Variants in EPC2 observed in about 807,000 individuals in gnomAD.
The protein encoded by EPC2 is enhancer of polycomb homolog 2.
In EPC2, 14 loss-of-function variants were observed where a neutral mutation model predicts 92.1. The ratio of observed to expected loss-of-function variants is 0.15; its 90% confidence interval spans 0.10 to 0.24. The LOEUF (loss-of-function observed/expected upper bound fraction) is 0.24. Among genes scored for constraint, EPC2 ranks in the 10% least tolerant of loss-of-function variants. The pLI, the probability that EPC2 is intolerant of heterozygous loss-of-function variation, is 1.00. For synonymous variants in EPC2, 340 were observed against 334.7 expected, an observed-to-expected ratio of 1.02 and a Z score of -0.17; for missense variants, 755 against 971.5, an observed-to-expected ratio of 0.78 and a Z score of 2.96.
At chr2:148,681,199 G>A (rs1028135314) in intron 1 of EPC2, among the ~76,000 whole-genome samples, 1 of 152,140 alleles carries the variant, frequency 6.6e-6, no homozygotes, top group African/African-American at 2.4e-5. Context: ...AGATATAAAC[G>A]TCCACTTCTG....
At position 148,728,915 on chromosome 2, in the gene EPC2, C is replaced by T. The variant is rs1164346037; in HGVS notation, c.314-14707C>T. 2.0e-5 allele frequency among the ~76,000 whole-genome samples: 3 copies of T among 150,770 alleles called. No individual in the cohort carries two copies. In the East Asian group the frequency reaches 5.9e-4, roughly 30 times the overall value. Reference sequence around the variant, plus strand: ...GGCATGGTGGTGGGCGCCTGTAGTCCCAGCTACTCGGGAGGCTGAGGCAGG... The same window carrying T: ...GGCATGGTGGTGGGCGCCTGTAGTCTCAGCTACTCGGGAGGCTGAGGCAGG... On this transcript the variant is annotated intron_variant, in intron 2 of 13. Coordinates refer to ENST00000258484, the MANE Select transcript of EPC2 (RefSeq NM_015630.4).
At chr2:148,682,676 C>T (rs1681423876) in intron 1 of EPC2, among the ~76,000 whole-genome samples, 1 of 152,084 alleles carries the variant, frequency 6.6e-6, no homozygotes, top group African/African-American at 2.4e-5. Flanking sequence ...TCCTCCCCTC[C>T]TCTCACTGTA....
In EPC2 at chr2:148,743,776, C is replaced by A. The variant is rs1490866402; in HGVS notation, c.459+9C>A. On this transcript the variant is annotated intron_variant, in intron 3 of 13. Transcript: ENST00000258484. ...AAGCCAGTTCTAATCAGGTACTGTA[C>A]CATGTAAAGATGTCTCTTATCTTCT... 2.6e-6 allele frequency: 4 copies of A among 1,539,624 alleles called. No homozygotes were observed. The East Asian group carries it at 7.2e-5, about 28-fold the overall frequency.
intron 6 of EPC2, 100 bp from the exon 7 acceptor site, chr2:148,764,855 G>A (rs1683377548): frequency 5.5e-6 from 5 of 903,370 alleles, no homozygotes; most frequent in South Asian, 5.2e-5. Flanking sequence ...ATCACCTCCT[G>A]GGTAAAAATG....
intron 1 of EPC2, chr2:148,645,491 C>T: frequency 3.3e-6 from 1 of 306,158 alleles, no homozygotes; most frequent in Non-Finnish European, 6.2e-6. Flanking sequence ...TCTCTGTTTA[C>T]CTTTCCACCT....
intron 1 of EPC2, among the ~76,000 whole-genome samples, chr2:148,687,881 G>T (rs1030460321): frequency 1.3e-5 from 2 of 151,950 alleles, no homozygotes; most frequent in Admixed American, 1.3e-4. Flanking sequence ...TTATTATTTG[G>T]TATCTATCCC....
intron 10 of EPC2, among the ~76,000 whole-genome samples, chr2:148,776,133 T>A (rs1189794064): frequency 2.0e-4 from 2 of 9,976 alleles, no homozygotes; most frequent in Non-Finnish European, 5.1e-3. Context: ...CAAGAGAAAT[T>A]CCTGTTTTAA....
intron 2 of EPC2, among the ~76,000 whole-genome samples, chr2:148,718,042 T>G (rs1437259261): frequency 6.6e-6 from 1 of 152,224 alleles, no homozygotes; most frequent in Non-Finnish European, 1.5e-5. Flanking sequence ...AAGCCTGTTT[T>G]ATCAGAAACT....
At position 148,661,641 on chromosome 2, in the gene EPC2, A is replaced by G. The variant is rs545992415; in HGVS notation, c.153+16471A>G. On this transcript the variant is annotated intron_variant, in intron 1 of 13. Coordinates refer to ENST00000258484, the MANE Select transcript of EPC2 (RefSeq NM_015630.4). ...ATGCGATGTACATAATTTTGTATTG[A>G]TTTACAGATGTAGAAAACAATATAC... Among the ~76,000 whole-genome samples the G allele has an allele frequency of 6.6e-5, 10 of 152,218 alleles. 1 individual carries two copies. In the South Asian group the frequency reaches 2.1e-3, roughly 32 times the overall value.
intron 10 of EPC2, 71 bp downstream of exon 10, chr2:148,771,458 T>C: frequency 7.4e-7 from 1 of 1,355,336 alleles, no homozygotes; most frequent in Non-Finnish European, 1.0e-6. Context: ...AAAGGAATTT[T>C]ATCTTAACCT....
intron 10 of EPC2, among the ~76,000 whole-genome samples, chr2:148,773,154 A>G (rs1683560199): frequency 6.6e-6 from 1 of 152,144 alleles, no homozygotes; most frequent in Non-Finnish European, 1.5e-5. Flanking sequence ...CATCAATACA[A>G]CATATGTATT....
intron 1 of EPC2, among the ~76,000 whole-genome samples, chr2:148,671,795 A>AT (rs759685712): frequency 3.2e-4 from 48 of 151,198 alleles, no homozygotes; most frequent in Non-Finnish European, 6.2e-4. Context: ...AGCTTATTCT[A>AT]TTTTTTCCTC....
At chr2:148,702,992 C>T (rs1022332415) in intron 2 of EPC2, among the ~76,000 whole-genome samples, 3 of 152,190 alleles carry the variant, frequency 2.0e-5, no homozygotes, top group African/African-American at 7.2e-5. Flanking sequence ...CTGTATCATA[C>T]TTCCTGATAT....
intron 2 of EPC2, chr2:148,692,065 C>T (rs1461388810): frequency 9.5e-6 from 3 of 316,998 alleles, no homozygotes; most frequent in South Asian, 5.6e-5. Context: ...TCTCCTTTAA[C>T]GTCATTTATT....
intron 1 of EPC2, among the ~76,000 whole-genome samples, chr2:148,674,168 T>A (rs1322026941): frequency 6.6e-6 from 1 of 152,202 alleles, no homozygotes; most frequent in African/African-American, 2.4e-5. Flanking sequence ...TGGAGATGCA[T>A]CTTTGTTGTA....
At chr2:148,772,055 TCC>T (rs1683533950) in intron 10 of EPC2, among the ~76,000 whole-genome samples, 1 of 152,124 alleles carries the variant, frequency 6.6e-6, no homozygotes. Context: ...TGCCTCAGCC[TCC>T]CAAAGTGCTA....
rs6761709 is a variant in EPC2 at position 148,716,609 on chromosome 2, G to A, written c.313+26236G>A. 9.7e-3 allele frequency among the ~76,000 whole-genome samples: 1,479 copies of A among 152,238 alleles called. 23 individuals carry two copies. Among genetic ancestry groups the A allele is most frequent in the African/African-American group, 0.033 (1,387 of 41,534 alleles). ...GGGATGAAGTCTGCTTGGTTGTGGT[G>A]GATAAGGTTTTTGATGTGCTGCTAG... On this transcript the variant is annotated intron_variant, in intron 2 of 13. Transcript: ENST00000258484.
At chr2:148,718,788 T>C (rs1285640351) in intron 2 of EPC2, among the ~76,000 whole-genome samples, 1 of 152,238 alleles carries the variant, frequency 6.6e-6, no homozygotes, top group South Asian at 2.1e-4. Flanking sequence ...TTGGCCTGTC[T>C]TGGTAAGTTG....
In EPC2 at chr2:148,699,212, A is replaced by G. The variant is rs560835421; in HGVS notation, c.313+8839A>G. Among the ~76,000 whole-genome samples the G allele has an allele frequency of 6.6e-5, 10 of 152,364 alleles. No individual in the cohort carries two copies. In the East Asian group the frequency reaches 9.6e-4, roughly 15 times the overall value. The stretch of plus-strand genomic sequence containing the variant: ...CGATTTTAGATTTACAAAAAAGCCA[A>G]TAACAAAATTTTCATGTGCTACCCC... On this transcript the variant is annotated intron_variant, in intron 2 of 13. Coordinates refer to ENST00000258484, the MANE Select transcript of EPC2 (RefSeq NM_015630.4).
Sources: allele counts gnomAD v4.1 joint callset (sites outside exome capture counted in the v4.1 genomes callset), GRCh38; gene constraint gnomAD v4.1.1; transcripts MANE v1.5; gene names NCBI Gene and HGNC (gene_info 2026-07-23, HGNC 2026-07-21).